Variants in PTPRM observed in about 807,000 individuals in gnomAD.
The protein encoded by PTPRM is receptor-type tyrosine-protein phosphatase mu.
In PTPRM, 47 loss-of-function variants were observed where a neutral mutation model predicts 186.7. The ratio of observed to expected loss-of-function variants is 0.25; its 90% CI spans 0.20 to 0.32. The LOEUF (loss-of-function observed/expected upper bound fraction) is 0.32, where lower values mean the gene tolerates loss of function less well. Among genes scored for constraint, PTPRM ranks in the 10% least tolerant of loss-of-function variants. The pLI, the probability that PTPRM is intolerant of heterozygous loss-of-function variation, is 1.00. For missense variants in PTPRM, 1,494 were observed against 1,865.0 expected (o/e 0.80, Z 3.66); for synonymous variants, 668 against 674.9 (o/e 0.99, Z 0.16).
intron 1 of PTPRM, among the ~76,000 whole-genome samples, chr18:7,610,675 ATTAT>A (rs1427959463): frequency 6.6e-6 from 1 of 152,150 alleles, no homozygotes; most frequent in Non-Finnish European, 1.5e-5. Flanking sequence ...AGCACAACGC[ATTAT>A]TTGTGTTTGT....
chr18:7,830,798 A>C (rs1277575658), intron 2 of PTPRM, among the ~76,000 whole-genome samples: 1 of 152,142 alleles, frequency 6.6e-6, no homozygotes, highest in Admixed American at 6.6e-5. Context: ...TCCTTCCTCC[A>C]ACACACACCC....
rs183123186 is a variant in PTPRM at position 8,352,491 on chromosome 18, G to A, written c.3054+8971G>A. The stretch of plus-strand genomic sequence containing the variant: ...CAGTGTTTATTCCCATCTTTGTGCC[G>A]TGTATACCCAACGTTTAGCTCCCAC... On this transcript the variant is annotated intron_variant, in intron 23 of 32. Coordinates refer to ENST00000580170, the MANE Select transcript of PTPRM (RefSeq NM_001105244.2). Among the ~76,000 whole-genome samples, 480 of 152,126 alleles carry A rather than the reference G, an allele frequency of 3.2e-3. 2 individuals carry two copies. The highest frequency in any genetic ancestry group is 0.011 in the African/African-American group (447 of 41,512).
At chr18:8,223,757 G>A (rs1029153807) in intron 14 of PTPRM, among the ~76,000 whole-genome samples, 5 of 152,204 alleles carry the variant, frequency 3.3e-5, no homozygotes, top group African/African-American at 7.2e-5. Context: ...GGTTTATGTC[G>A]AACGCCAATC....
intron 1 of PTPRM, among the ~76,000 whole-genome samples, chr18:7,756,963 T>C (rs978470270): frequency 1.3e-5 from 2 of 152,198 alleles, no homozygotes; most frequent in Admixed American, 6.5e-5. Context: ...CCATCCACCT[T>C]TGTAGCCTGA....
chr18:8,051,698 A>G (rs924576098), intron 7 of PTPRM, among the ~76,000 whole-genome samples: 1 of 151,934 alleles, frequency 6.6e-6, no homozygotes, highest in African/African-American at 2.4e-5. Context: ...CTAACTTTCC[A>G]TTGTAGGGAT....
chr18:7,601,081 C>G (rs1022728475), intron 1 of PTPRM, among the ~76,000 whole-genome samples: 5 of 152,236 alleles, frequency 3.3e-5, no homozygotes, highest in African/African-American at 7.2e-5. Context: ...GCGGCTGGCC[C>G]AGTGGCGTGG....
intron 20 of PTPRM, among the ~76,000 whole-genome samples, chr18:8,309,835 A>C (rs565990192): frequency 6.6e-6 from 1 of 152,306 alleles, no homozygotes; most frequent in African/African-American, 2.4e-5. Flanking sequence ...CATCCAGCTA[A>C]GGTATTTTTG....
chr18:8,111,856 G>C (rs1375104970), intron 11 of PTPRM, among the ~76,000 whole-genome samples: 1 of 152,186 alleles, frequency 6.6e-6, no homozygotes, highest in Non-Finnish European at 1.5e-5. Context: ...GCTCAGACCA[G>C]TGCATTGTCT....
intron 14 of PTPRM, among the ~76,000 whole-genome samples, chr18:8,155,673 A>G (rs568952143): frequency 3.9e-5 from 6 of 152,336 alleles, no homozygotes; most frequent in Admixed American, 6.5e-5. Context: ...ACATGAAACA[A>G]AAAAGATAAG....
chr18:7,605,883 G>T (rs1455410853), intron 1 of PTPRM, among the ~76,000 whole-genome samples: 1 of 152,200 alleles, frequency 6.6e-6, no homozygotes, highest in Non-Finnish European at 1.5e-5. Context: ...TAGGTGATAT[G>T]TGGGGCCTGG....
chr18:7,572,889 T>C (rs545325247), intron 1 of PTPRM, among the ~76,000 whole-genome samples: 25 of 152,342 alleles, frequency 1.6e-4, no homozygotes, highest in African/African-American at 5.8e-4. Flanking sequence ...AATCTTGCAT[T>C]ATAAGAGGAT....
intron 4 of PTPRM, among the ~76,000 whole-genome samples, chr18:7,914,391 C>G (rs192936776): frequency 2.0e-5 from 3 of 152,126 alleles, no homozygotes; most frequent in Admixed American, 6.5e-5. Flanking sequence ...CTATTCTTAC[C>G]TTTCAAGGAA....
intron 23 of PTPRM, among the ~76,000 whole-genome samples, chr18:8,358,685 G>C (rs2095578485): frequency 6.6e-6 from 1 of 152,216 alleles, no homozygotes; most frequent in South Asian, 2.1e-4. Context: ...TATTACATAA[G>C]GTTGTACACG....
At chr18:8,149,597 A>C (rs550084796) in intron 14 of PTPRM, among the ~76,000 whole-genome samples, 295 of 152,206 alleles carry the variant, frequency 1.9e-3, no homozygotes, top group Non-Finnish European at 3.0e-3. Context: ...TCTTGACTCT[A>C]TCCAATTTGC....
chr18:8,007,522 T>C (rs1336169658), intron 7 of PTPRM, among the ~76,000 whole-genome samples: 1 of 152,166 alleles, frequency 6.6e-6, no homozygotes, highest in Non-Finnish European at 1.5e-5. Context: ...TCAAATGAAA[T>C]TAAAGCACAG....
chr18:7,886,234 A>C (rs1018098465), intron 2 of PTPRM, among the ~76,000 whole-genome samples: 4 of 152,196 alleles, frequency 2.6e-5, no homozygotes, highest in Non-Finnish European at 4.4e-5. Flanking sequence ...TCTGTAACTC[A>C]TACACAGGAA....
intron 1 of PTPRM, among the ~76,000 whole-genome samples, chr18:7,676,627 C>CTGTGTGTG (rs751900694): frequency 1.9e-4 from 27 of 141,496 alleles, no homozygotes; most frequent in East Asian, 6.4e-4. Context: ...GAGATTCTAG[C>CTGTGTGTG]TGTGTGTGTG....
chr18:7,879,953 A>G lies in PTPRM; in HGVS notation c.197-8153A>G, dbSNP rs148588630. Among the ~76,000 whole-genome samples, 765 of 152,300 alleles carry G rather than the reference A, an allele frequency of 5.0e-3. 3 individuals are homozygous for G. Among genetic ancestry groups the G allele is most frequent in the African/African-American group, 0.018 (741 of 41,580 alleles). On this transcript the variant is annotated intron_variant, in intron 2 of 32. Coordinates refer to ENST00000580170, the MANE Select transcript of PTPRM (RefSeq NM_001105244.2). ...TGTTCCGCGTGACTGGGAAGGACTC[A>G]GGAAACTTAGAATCCTGGCAGAAGG...
rs146262621 is a variant in PTPRM, at chr18:8,130,523, C to T, written c.2168-13124C>T. The stretch of plus-strand genomic sequence containing the variant: ...AGATCAAAAGTCTTAAAAGAAAGAT[C>T]GACAGTCTTAATAAAAATGTCAAGC... On this transcript the variant is annotated intron_variant, in intron 13 of 32. Coordinates refer to ENST00000580170, the MANE Select transcript of PTPRM (RefSeq NM_001105244.2). Among the ~76,000 whole-genome samples, 17 of 152,244 alleles carry T rather than the reference C, an allele frequency of 1.1e-4. No individual in the cohort carries two copies. In the East Asian group the frequency reaches 2.1e-3, roughly 19 times the overall value.
Sources: allele counts gnomAD v4.1 joint callset (sites outside exome capture counted in the v4.1 genomes callset), GRCh38; gene constraint gnomAD v4.1.1; transcripts MANE v1.5; gene names NCBI Gene and HGNC (gene_info 2026-07-23, HGNC 2026-07-21).